The following NUP188 variants were observed in gnomAD, a reference collection of about 807,000 sequenced individuals.
NUP188 encodes the protein nucleoporin 188.
Under a neutral mutation model 223.0 loss-of-function variants are expected in NUP188, and 97 were observed. The observed-to-expected ratio is 0.43, with a 90% CI of 0.37 to 0.51. NUP188 has a LOEUF of 0.51. Among genes scored for constraint, NUP188 ranks in the 20% least tolerant of loss-of-function variants. NUP188 has a pLI of 0.00. For missense variants in NUP188, 1,947 were observed against 2,175.6 expected, an observed-to-expected ratio of 0.89 and a Z score of 2.09; for synonymous variants, 869 against 828.0, an observed-to-expected ratio of 1.05 and a Z score of -0.85.
In NUP188 at chr9:128,994,427, C is replaced by T. The variant is rs752588754; in HGVS notation, c.3072C>T (p.Pro1024=). The change falls in exon 28 of 44, where the codon CCC becomes CCT. Residue 1024 remains proline, a synonymous_variant. Transcript: ENST00000372577. ...CGCTGTTTGGAACCCTTTCTCCTCC[C>T]TCTGAAACATCAGAGGTAAGCTGTG... ...TSPLFGTLSP[P]SETSEPSILE... 6.2e-7 allele frequency: 1 copy of T among 1,613,140 alleles called. No individual in the cohort carries two copies. The highest frequency in any genetic ancestry group is 8.5e-7 in the Non-Finnish European group (1 of 1,179,170).
At chr9:128,963,504 G>A (rs1031046176) in intron 8 of NUP188, among the ~76,000 whole-genome samples, 7 of 125,648 alleles carry the variant, frequency 5.6e-5, no homozygotes, top group Middle Eastern at 4.5e-3. Context: ...ATGCCCAGCC[G>A]TAAATGAAAT....
intron 1 of NUP188, 80 bp downstream of exon 1, chr9:128,947,831 G>C: frequency 1.6e-6 from 2 of 1,285,198 alleles, no homozygotes; most frequent in Non-Finnish European, 1.0e-6. Flanking sequence ...GGAATTGGAG[G>C]CGGGATGTGG....
intron 12 of NUP188, among the ~76,000 whole-genome samples, chr9:128,978,507 G>C (rs1199882682): frequency 7.1e-6 from 1 of 140,072 alleles, no homozygotes; most frequent in Non-Finnish European, 1.5e-5. Flanking sequence ...AGCTTGCAGT[G>C]AGCCAAGATC....
chr9:128,972,986 T>G (rs1244199401), intron 11 of NUP188, among the ~76,000 whole-genome samples, 174 bp from the exon 12 acceptor site: 1 of 152,252 alleles, frequency 6.6e-6, no homozygotes, highest in Non-Finnish European at 1.5e-5. Context: ...TGGTTCCTGC[T>G]TTCTCTTTTC....
chr9:128,977,117 A>ATT (rs745918158), intron 12 of NUP188, among the ~76,000 whole-genome samples: 2 of 124,996 alleles, frequency 1.6e-5, no homozygotes, highest in Non-Finnish European at 1.7e-5. Context: ...TGGTACTTGG[A>ATT]TTTTTTTTTT....
chr9:128,947,711 C>T lies in NUP188; in HGVS notation c.-9C>T. 1.4e-6 allele frequency: 2 copies of T among 1,465,500 alleles called. No individual in the cohort carries two copies. The highest frequency in any genetic ancestry group is 1.3e-5 in the South Asian group (1 of 74,692). The allele number at this position is 1,465,500 out of a possible 1,614,324, so 90.8% of individuals were successfully genotyped here. A position where few individuals can be genotyped will look rare whatever the true frequency, so the allele number is the denominator to read the frequency against. Reference sequence around the variant, plus strand: ...TGGGGGCGGGGTTAGGGCGAGCGGGCGCGCGAAGATGGCGGCGGCCGCCGG... The same window carrying T: ...TGGGGGCGGGGTTAGGGCGAGCGGGTGCGCGAAGATGGCGGCGGCCGCCGG... On this transcript the variant is annotated 5_prime_UTR_variant, in exon 1 of 44. Transcript: ENST00000372577.
chr9:128,991,898 T>A (rs1842439174), intron 25 of NUP188, among the ~76,000 whole-genome samples: 1 of 146,778 alleles, frequency 6.8e-6, no homozygotes, highest in Non-Finnish European at 1.5e-5. Context: ...CCTGGTACTG[T>A]TTTTCTTTCT....
chr9:128,961,710 C>T (rs1841957874), intron 8 of NUP188, among the ~76,000 whole-genome samples: 1 of 151,164 alleles, frequency 6.6e-6, no homozygotes, highest in South Asian at 2.1e-4. Flanking sequence ...CAACCTCCGC[C>T]TCCCAGGTTC....
chr9:128,956,912 A>G, intron 4 of NUP188, 40 bp from the exon 5 acceptor site: 1 of 1,430,096 alleles, frequency 7.0e-7, no homozygotes, highest in East Asian at 2.3e-5. Context: ...CCTGTGTGCG[A>G]TTTCTGAGCT....
chr9:128,988,212 CATGGT>C (rs1192069895), intron 24 of NUP188, 26 bp downstream of exon 24: 1 of 1,612,634 alleles, frequency 6.2e-7, no homozygotes, highest in South Asian at 1.1e-5. Flanking sequence ...CCAGTCACAA[CATGGT>C]ATGTATTTCT....
intron 12 of NUP188, 57 bp downstream of exon 12, chr9:128,973,306 C>CA: frequency 8.9e-7 from 1 of 1,122,632 alleles, no homozygotes. Flanking sequence ...AATCAAGTCC[C>CA]AAAAATATAC....
At position 128,994,922 on chromosome 9, in the gene NUP188, A is replaced by G; in HGVS notation, c.3154A>G (p.Lys1052Glu). Reference protein sequence around the residue: ...IICLEIYYVVKGSLDQSLKDT... With the variant: ...IICLEIYYVVEGSLDQSLKDT... ...TTGCTTGGAGATATACTATGTAGTA[A>G]AGTGAGTACTTTCCCCTCTTGAGAT... is the stretch of plus-strand genomic sequence containing the variant. Residue 1052 changes from lysine to glutamate, a missense_variant and splice_region_variant, in exon 29 of 44, where the codon AAG becomes GAG. Physicochemically the swap from Lys to Glu is moderately conservative, Grantham distance 56. Coordinates refer to ENST00000372577, the MANE Select transcript of NUP188 (RefSeq NM_015354.3). 4 of 1,606,550 alleles carry G rather than the reference A, an allele frequency of 2.5e-6. No homozygotes were observed. The highest frequency in any genetic ancestry group is 3.4e-6 in the Non-Finnish European group (4 of 1,173,096).
intron 11 of NUP188, among the ~76,000 whole-genome samples, chr9:128,972,540 C>G (rs777377531): frequency 6.6e-6 from 1 of 152,144 alleles, no homozygotes; most frequent in Non-Finnish European, 1.5e-5. Context: ...ACATGTCATA[C>G]TTGTCCAAAA....
rs1564550106 is a variant in NUP188, at chr9:128,956,334, ACTG to A, written c.162-15_162-13del. On this transcript the variant is annotated splice_polypyrimidine_tract_variant and intron_variant, in intron 3 of 43. Coordinates refer to ENST00000372577, the MANE Select transcript of NUP188 (RefSeq NM_015354.3). ...GCTATTGAGAATGAAGAAATGATTC[ACTG>A]TTCTTTTTGTAGTCCAAGTTCAGCT... is the stretch of plus-strand genomic sequence containing the variant. 1.4e-6 allele frequency: 2 copies of A among 1,477,286 alleles called. No homozygotes were observed. Among genetic ancestry groups the A allele is most frequent in the East Asian group, 4.7e-5 (2 of 42,422 alleles). 91.5% of individuals were successfully genotyped at this position (1,477,286 alleles called of 1,614,324 possible).
intron 34 of NUP188, among the ~76,000 whole-genome samples, chr9:129,000,714 C>G (rs939086779): frequency 2.6e-5 from 4 of 151,950 alleles, no homozygotes; most frequent in Admixed American, 2.6e-4. Flanking sequence ...TAGTGAAAAA[C>G]TGTAAACGTG....
In NUP188 at chr9:128,988,186, G is replaced by A. The variant is rs1360169448; in HGVS notation, c.2533G>A (p.Gly845Ser). The A allele has an allele frequency of 6.2e-7, 1 of 1,613,688 alleles. No individual in the cohort carries two copies. The highest frequency in any genetic ancestry group is 8.5e-7 in the Non-Finnish European group (1 of 1,179,906). ...SPLEQALSQH[G>S]AHGNNLIAVL... Reference sequence around the variant, plus strand: ...CCTGGAACAGGCTCTCTCACAACATGGTATGTATTTCTCTTCCAGTCACAA... The same window carrying A: ...CCTGGAACAGGCTCTCTCACAACATAGTATGTATTTCTCTTCCAGTCACAA... Residue 845 changes from glycine to serine, a missense_variant and splice_region_variant, in exon 24 of 44, where the codon GGT (glycine) becomes AGT (serine). Transcript: ENST00000372577.
Position 128,998,132 on chromosome 9 carries a change from T to G in NUP188, c.3352-19T>G, listed in dbSNP as rs771048173. Reference sequence around the variant, plus strand: ...CTGGAAAATTTTCCCAGCTGAAACCTTTTTCTGTTCCTTTGCAGGCAGATA... The same window carrying G: ...CTGGAAAATTTTCCCAGCTGAAACCGTTTTCTGTTCCTTTGCAGGCAGATA... On this transcript the variant is annotated intron_variant, in intron 30 of 43. Transcript: ENST00000372577. The G allele has an allele frequency of 1.1e-5, 18 of 1,603,204 alleles. No individual in the cohort carries two copies. The highest frequency in any genetic ancestry group is 1.5e-5 in the Non-Finnish European group (18 of 1,170,352).
chr9:128,982,722 C>A (rs1307240595), intron 16 of NUP188, 21 bp downstream of exon 16: 1 of 1,612,378 alleles, frequency 6.2e-7, no homozygotes, highest in Admixed American at 1.7e-5. Context: ...CTTTCGGAAA[C>A]ATCACCTACG....
chr9:128,984,581 C>T (rs1396104973), intron 19 of NUP188, among the ~76,000 whole-genome samples: 2 of 152,152 alleles, frequency 1.3e-5, no homozygotes, highest in Non-Finnish European at 2.9e-5. Context: ...CATGGGTTCT[C>T]GAGCTCAGCC....
Sources: gnomAD v4.1 joint callset for allele counts (sites outside exome capture counted in the v4.1 genomes callset) on GRCh38, gnomAD v4.1.1 for gene constraint, MANE v1.5 for transcripts, NCBI Gene and HGNC (gene_info 2026-07-23, HGNC 2026-07-21) for gene names.